CFAP418: variants seen among roughly 807,000 people sequenced by gnomAD.
The protein encoded by CFAP418 is cilia- and flagella-associated protein 418.
In CFAP418, 27 loss-of-function variants were observed where a neutral mutation model predicts 24.7. The observed-to-expected ratio is 1.09, with a 90% CI of 0.81 to 1.51. The LOEUF is 1.51. Ranked by LOEUF, CFAP418 falls within the 40% of genes most tolerant of loss-of-function variation. CFAP418 has a pLI of 0.00. For synonymous variants in CFAP418, 74 were observed against 87.3 expected (o/e 0.85, Z 0.85); for missense variants, 257 against 255.2 (o/e 1.01, Z -0.05).
Position 95,247,385 on chromosome 8 carries a change from A to G in CFAP418, c.*232T>C, listed in dbSNP as rs1469203819. 3 of 520,958 alleles carry G rather than the reference A, an allele frequency of 5.8e-6. No homozygotes were observed. The highest frequency in any genetic ancestry group is 2.0e-5 in the African/African-American group (1 of 51,134). The allele number at this position is 520,958 out of a possible 1,614,324, so 32.3% of individuals were successfully genotyped here. On this transcript the variant is annotated 3_prime_UTR_variant, in exon 6 of 6. Coordinates refer to ENST00000286688, the MANE Select transcript of CFAP418 (RefSeq NM_177965.4). The stretch of plus-strand genomic sequence containing the variant: ...CAGAAGACAGATTAGTAAAGAATGT[A>G]GATGCCTGTTACTAAGTGAAACATC...
chr8:95,268,469 C>T (rs1281779438), intron 1 of CFAP418, among the ~76,000 whole-genome samples: 1 of 151,944 alleles, frequency 6.6e-6, no homozygotes, highest in African/African-American at 2.4e-5. Context: ...AGCGAGACTC[C>T]ATCTCAAAAA....
intron 1 of CFAP418, among the ~76,000 whole-genome samples, chr8:95,265,178 C>T (rs1194766500): frequency 1.3e-5 from 2 of 152,070 alleles, no homozygotes; most frequent in African/African-American, 4.8e-5. Flanking sequence ...TTTACAGCAT[C>T]TACCCACTAG....
In CFAP418 at chr8:95,260,534, T is replaced by C; in HGVS notation, c.244-2A>G. 1 of 1,577,394 alleles carries C rather than the reference T, an allele frequency of 6.3e-7. No homozygotes were observed. The highest frequency in any genetic ancestry group is 8.6e-7 in the Non-Finnish European group (1 of 1,166,144). On this transcript the variant is annotated splice_acceptor_variant, in intron 2 of 5. Coordinates refer to ENST00000286688, the MANE Select transcript of CFAP418 (RefSeq NM_177965.4). LOFTEE classifies it high-confidence loss of function. The stretch of plus-strand genomic sequence containing the variant: ...ACCTGAAGATTTAGATTTTAATTTC[T>C]GTTAAAAAAGCAAAACAATAAAAGG...
chr8:95,244,940 C>T lies in CFAP418; in HGVS notation c.*2677G>A, dbSNP rs1486204244. 1 of 151,180 alleles carries T rather than the reference C, an allele frequency of 6.6e-6. No homozygotes were observed. The highest frequency in any genetic ancestry group is 2.4e-5 in the African/African-American group (1 of 41,160). The allele number at this position is 151,180 out of a possible 1,614,324, so 9.4% of individuals were successfully genotyped here. On this transcript the variant is annotated 3_prime_UTR_variant, in exon 6 of 6. Coordinates refer to ENST00000286688, the MANE Select transcript of CFAP418 (RefSeq NM_177965.4). ...AATGTCCATCCAAATGAATATTTTA[C>T]TATAAAATAAAAGAAGTAAATAATA...
chr8:95,267,390 A>C (rs1812006206), intron 1 of CFAP418, among the ~76,000 whole-genome samples: 1 of 152,176 alleles, frequency 6.6e-6, no homozygotes, highest in South Asian at 2.1e-4. Flanking sequence ...TCACGAGGTC[A>C]GGAGATCGAG....
chr8:95,253,363 C>G (rs17265463), intron 4 of CFAP418, among the ~76,000 whole-genome samples: 7,474 of 152,044 alleles, frequency 0.049, 268 homozygotes, highest in Non-Finnish European at 0.073. Context: ...ACACAGTAAC[C>G]CTGGTTGCAT....
intron 2 of CFAP418, among the ~76,000 whole-genome samples, chr8:95,262,371 G>C (rs28552689): frequency 0.15 from 22,924 of 151,960 alleles, 1,840 homozygotes; most frequent in South Asian, 0.24. Flanking sequence ...TTTTTAGTCT[G>C]GGTGACAAAA....
chr8:95,267,371 G>A (rs982466431), intron 1 of CFAP418, among the ~76,000 whole-genome samples: 3 of 152,326 alleles, frequency 2.0e-5, no homozygotes, highest in Non-Finnish European at 4.4e-5. Context: ...GGAGGCCGAG[G>A]TGGGTGGATC....
At chr8:95,265,887 C>T (rs572294699) in intron 1 of CFAP418, among the ~76,000 whole-genome samples, 9 of 152,282 alleles carry the variant, frequency 5.9e-5, no homozygotes, top group Non-Finnish European at 1.2e-4. Context: ...TAATCTCAAT[C>T]AAATGTTAAT....
chr8:95,260,492 G>T lies in CFAP418; in HGVS notation c.284C>A (p.Ala95Asp), dbSNP rs774891217. 29 of 1,590,162 alleles carry T rather than the reference G, an allele frequency of 1.8e-5. No homozygotes were observed. Among genetic ancestry groups the T allele is most frequent in the Admixed American group, 5.6e-5 (3 of 53,510 alleles). The change falls in exon 3 of 6, where the codon GCT (alanine) becomes GAT (aspartate). Residue 95 changes from alanine to aspartate, a missense_variant. Ala to Asp is a moderately radical substitution (Grantham distance 126). Coordinates refer to ENST00000286688, the MANE Select transcript of CFAP418 (RefSeq NM_177965.4). ...SKSSGNTSVR[A>D]SIEGLGKSCS... Reference sequence around the variant, plus strand: ...CCTTTTACCAAGGCCTTCAATGGAAGCTCTGACAGATGTGTTACCTGAAGA... The same window carrying T: ...CCTTTTACCAAGGCCTTCAATGGAATCTCTGACAGATGTGTTACCTGAAGA...
intron 4 of CFAP418, 70 bp from the exon 5 acceptor site, chr8:95,252,353 T>C: frequency 4.1e-6 from 4 of 984,812 alleles, no homozygotes; most frequent in East Asian, 2.5e-5. Context: ...AACATGGTGA[T>C]TTATTTATAG....
intron 3 of CFAP418, 21 bp from the exon 4 acceptor site, chr8:95,259,926 C>A: frequency 6.5e-7 from 1 of 1,539,606 alleles, no homozygotes; most frequent in Non-Finnish European, 8.7e-7. Flanking sequence ...TCAACAGATG[C>A]AAAAATATGA....
At chr8:95,263,434 T>C (rs1436300184) in intron 2 of CFAP418, among the ~76,000 whole-genome samples, 3 of 152,204 alleles carry the variant, frequency 2.0e-5, no homozygotes, top group Non-Finnish European at 4.4e-5. Flanking sequence ...CAGCTTGATG[T>C]GTGAGTTGAC....
chr8:95,269,060 G>A lies in CFAP418; in HGVS notation c.130C>T (p.Gln44Ter), dbSNP rs751922029. Residue 44 changes from glutamine to a stop codon, truncating the protein, a stop_gained, in exon 1 of 6, where the codon CAA (glutamine) becomes TAA (stop). Coordinates refer to ENST00000286688, the MANE Select transcript of CFAP418 (RefSeq NM_177965.4). LOFTEE classifies it high-confidence loss of function. ...GGGTHSSDRN[Q>*]AKAKETLRST... ...CTGAGCGTCTCTTTCGCCTTGGCTT[G>A]GTTCCGGTCGCTACTGTGGGTGCCG... 3 of 1,614,114 alleles carry A rather than the reference G, an allele frequency of 1.9e-6. No homozygotes were observed. In the South Asian group the frequency reaches 3.3e-5, roughly 18 times the overall value.
intron 5 of CFAP418, among the ~76,000 whole-genome samples, chr8:95,249,781 C>T (rs1811681134): frequency 6.6e-6 from 1 of 152,218 alleles, no homozygotes; most frequent in Non-Finnish European, 1.5e-5. Context: ...TCTTTGGTCA[C>T]TGTCCACTTC....
intron 5 of CFAP418, among the ~76,000 whole-genome samples, chr8:95,251,207 A>G (rs1466464950): frequency 6.6e-6 from 1 of 152,238 alleles, no homozygotes; most frequent in African/African-American, 2.4e-5. Context: ...ATTACAGTAT[A>G]TAATAGGTCC....
rs1362974819 is a variant in CFAP418 at position 95,260,478 on chromosome 8, G to C, written c.298C>G (p.Leu100Val). 1.3e-6 allele frequency: 2 copies of C among 1,586,478 alleles called. No individual in the cohort carries two copies. The highest frequency in any genetic ancestry group is 2.7e-5 in the African/African-American group (2 of 72,804). ...GCAATCTCAACTTACCTTTTACCAA[G>C]GCCTTCAATGGAAGCTCTGACAGAT... is the stretch of plus-strand genomic sequence containing the variant. ...NTSVRASIEG[L>V]GKSCSPVYLG... The change falls in exon 3 of 6, where the codon CTT becomes GTT. Residue 100 changes from leucine (L) to valine (V), a missense_variant. Leu to Val is a conservative substitution (Grantham distance 32). Transcript: ENST00000286688.
chr8:95,252,947 T>C (rs1197469273), intron 4 of CFAP418, among the ~76,000 whole-genome samples: 2 of 152,214 alleles, frequency 1.3e-5, no homozygotes, highest in East Asian at 1.9e-4. Context: ...ATATATAGCA[T>C]GATCCTATTT....
At chr8:95,250,839 T>G (rs925010498) in intron 5 of CFAP418, among the ~76,000 whole-genome samples, 19 of 152,208 alleles carry the variant, frequency 1.2e-4, no homozygotes, top group African/African-American at 4.6e-4. Context: ...AAAGCTTTCA[T>G]AAGATTTGCA....
Sources: gnomAD v4.1 joint callset for allele counts (sites outside exome capture counted in the v4.1 genomes callset) on GRCh38, gnomAD v4.1.1 for gene constraint, MANE v1.5 for transcripts, NCBI Gene and HGNC (gene_info 2026-07-23, HGNC 2026-07-21) for gene names.